Variants in VPS13B observed in about 807,000 individuals in gnomAD.
VPS13B encodes intermembrane lipid transfer protein VPS13B.
VPS13B carries 285 observed loss-of-function variants against 426.4 expected under a neutral mutation model. The ratio of observed to expected loss-of-function variants is 0.67; its 90% CI spans 0.61 to 0.74. The LOEUF (loss-of-function observed/expected upper bound fraction) is 0.74, where lower values mean the gene tolerates loss of function less well. Among genes scored for constraint, VPS13B ranks in the 30% least tolerant of loss-of-function variants. VPS13B has a pLI of 0.00. For synonymous variants in VPS13B, 1,676 were observed against 1,676.4 expected (o/e 1.00, Z 0.01); for missense variants, 4,537 against 4,782.6 (o/e 0.95, Z 1.51).
chr8:99,655,193 AC>A (rs994521490), intron 34 of VPS13B, among the ~76,000 whole-genome samples: 35 of 152,308 alleles, frequency 2.3e-4, no homozygotes, highest in African/African-American at 7.9e-4. Context: ...CAGATTATTT[AC>A]TTCCTTGATA....
At chr8:99,390,557 G>A (rs769142405) in intron 20 of VPS13B, among the ~76,000 whole-genome samples, 1 of 152,044 alleles carries the variant, frequency 6.6e-6, no homozygotes, top group Non-Finnish European at 1.5e-5. Flanking sequence ...ATTATATTGA[G>A]TATTTTAAGT....
intron 12 of VPS13B, among the ~76,000 whole-genome samples, chr8:99,140,092 C>T (rs568405107): frequency 5.9e-5 from 9 of 152,052 alleles, no homozygotes; most frequent in African/African-American, 9.6e-5. Flanking sequence ...CTAGGCTGAG[C>T]GTGGTGGCTC....
At chr8:99,654,349 A>G (rs1829943051) in intron 34 of VPS13B, among the ~76,000 whole-genome samples, 1 of 152,088 alleles carries the variant, frequency 6.6e-6, no homozygotes, top group African/African-American at 2.4e-5. Flanking sequence ...CGCCCGGCTG[A>G]CACTGAATTA....
At chr8:99,749,967 A>C (rs1011040974) in intron 39 of VPS13B, among the ~76,000 whole-genome samples, 2 of 152,140 alleles carry the variant, frequency 1.3e-5, no homozygotes, top group African/African-American at 2.4e-5. Context: ...CGTATTATAC[A>C]CATAATGAAA....
intron 21 of VPS13B, among the ~76,000 whole-genome samples, chr8:99,410,868 C>T (rs1815612045): frequency 6.6e-6 from 1 of 152,094 alleles, no homozygotes; most frequent in Non-Finnish European, 1.5e-5. Flanking sequence ...CCAGCTTCAT[C>T]CATGTCCCTG....
intron 37 of VPS13B, among the ~76,000 whole-genome samples, chr8:99,718,943 C>T (rs539450611): frequency 6.6e-6 from 1 of 152,166 alleles, no homozygotes; most frequent in South Asian, 2.1e-4. Context: ...ATACATAGCA[C>T]CCGGCCAATT....
chr8:99,661,397 T>G lies in VPS13B; in HGVS notation c.5952T>G (p.Val1984=). ...CTGAAGCCCTTGATTATTGCACTGT[T>G]TGGCTACAGACAGTGCCTGGAGAAA... The part of the protein sequence containing the change: ...TLPEALDYCT[V]WLQTVPGEID... Residue 1984 remains valine, a synonymous_variant, in exon 35 of 62, where the codon GTT becomes GTG. Transcript: ENST00000357162. 1.2e-6 allele frequency: 2 copies of G among 1,613,790 alleles called. No individual in the cohort carries two copies. Among genetic ancestry groups the G allele is most frequent in the Non-Finnish European group, 1.7e-6 (2 of 1,179,808 alleles).
chr8:99,442,799 T>C (rs1450235665), intron 23 of VPS13B, among the ~76,000 whole-genome samples, 164 bp downstream of exon 23: 3 of 152,182 alleles, frequency 2.0e-5, no homozygotes, highest in African/African-American at 4.8e-5. Flanking sequence ...TTGCCTTCCA[T>C]ACCTTTTAAT....
intron 19 of VPS13B, among the ~76,000 whole-genome samples, chr8:99,334,042 C>G (rs1287597073): frequency 1.3e-5 from 2 of 151,660 alleles, no homozygotes; most frequent in Non-Finnish European, 2.9e-5. Flanking sequence ...TTTTACAAGC[C>G]TTTTGTGGAC....
chr8:99,378,103 A>T (rs1199497065), intron 19 of VPS13B, among the ~76,000 whole-genome samples: 1 of 145,014 alleles, frequency 6.9e-6, no homozygotes, highest in Non-Finnish European at 1.5e-5. Context: ...CAACTGCATA[A>T]GGCGGACACC....
intron 22 of VPS13B, among the ~76,000 whole-genome samples, chr8:99,438,585 A>G (rs1817521669): frequency 6.6e-6 from 1 of 152,128 alleles, no homozygotes; most frequent in Non-Finnish European, 1.5e-5. Context: ...ATTTTTATGG[A>G]AAAAGTGTGA....
intron 19 of VPS13B, among the ~76,000 whole-genome samples, chr8:99,307,308 A>C (rs1820693957): frequency 6.6e-6 from 1 of 152,068 alleles, no homozygotes; most frequent in South Asian, 2.1e-4. Flanking sequence ...GTTAACTTTT[A>C]AGTTAGCTTG....
rs1810044950 is a variant in VPS13B at position 99,135,856 on chromosome 8, A to G, written c.1563+123A>G. 20 of 1,338,078 alleles carry G rather than the reference A, an allele frequency of 1.5e-5. 1 individual carries two copies. The South Asian group carries it at 2.4e-4, about 16-fold the overall frequency. The allele number at this position is 1,338,078 out of a possible 1,614,324, so 82.9% of individuals were successfully genotyped here. ...TTCTGAATGCTAATTGTTTATTAAA[A>G]CATTTAGAATGCATTTATACAGTAT... On this transcript the variant is annotated intron_variant, in intron 11 of 61. Coordinates refer to ENST00000357162, the MANE Select transcript of VPS13B (RefSeq NM_152564.5).
At chr8:99,448,283 TAG>T (rs1192043191) in intron 23 of VPS13B, among the ~76,000 whole-genome samples, 1 of 151,904 alleles carries the variant, frequency 6.6e-6, no homozygotes, top group Middle Eastern at 3.2e-3. Flanking sequence ...TAAGAGAATA[TAG>T]AGTGACTGCA....
chr8:99,538,790 T>G (rs1191204387), intron 30 of VPS13B, among the ~76,000 whole-genome samples: 1 of 152,206 alleles, frequency 6.6e-6, no homozygotes, highest in East Asian at 1.9e-4. Flanking sequence ...ACACCTACCA[T>G]TCGCTAGCTA....
chr8:99,249,468 C>G (rs1054136436), intron 17 of VPS13B, among the ~76,000 whole-genome samples: 1 of 142,688 alleles, frequency 7.0e-6, no homozygotes, highest in African/African-American at 2.6e-5. Context: ...GCTTTGTGCT[C>G]AAGGCTGGAG....
intron 19 of VPS13B, among the ~76,000 whole-genome samples, chr8:99,294,113 C>G (rs1819894811): frequency 1.3e-5 from 1 of 75,864 alleles, no homozygotes; most frequent in Admixed American, 1.1e-4. Flanking sequence ...CGGCATTATT[C>G]ACAATAGCAA....
rs773394643 is a variant in VPS13B, at chr8:99,859,386, C to T, written c.10950C>T (p.Phe3650=). The change falls in exon 57 of 62, where the codon TTC becomes TTT. Residue 3650 remains phenylalanine (F), a synonymous_variant. Transcript: ENST00000357162. The part of the protein sequence containing the change: ...RSIGNGVADF[F]RLPYEGLTRG... Reference sequence around the variant, plus strand: ...TCGGGAACGGGGTCGCCGACTTCTTCAGGCTTCCGTATGAGGGGCTGACCC... The same window carrying T: ...TCGGGAACGGGGTCGCCGACTTCTTTAGGCTTCCGTATGAGGGGCTGACCC... 22 of 1,614,002 alleles carry T rather than the reference C, an allele frequency of 1.4e-5. No homozygotes were observed. Among genetic ancestry groups the T allele is most frequent in the Non-Finnish European group, 1.5e-5 (18 of 1,180,040 alleles).
chr8:99,013,298 GC>G lies in VPS13B; in HGVS notation c.-78del. On this transcript the variant is annotated 5_prime_UTR_variant, in exon 1 of 62. Transcript: ENST00000357162. ...TACAGGAGCAGCACTGCCGGCGGGGGCGGGTGCCAGGGACTTGGAGGTGGAG... is the reference window on the plus strand; with the variant it reads ...TACAGGAGCAGCACTGCCGGCGGGGGGGGTGCCAGGGACTTGGAGGTGGAG... 1 of 239,836 alleles carries G rather than the reference GC, an allele frequency of 4.2e-6. No individual in the cohort carries two copies. Among genetic ancestry groups the G allele is most frequent in the Non-Finnish European group, 8.3e-6 (1 of 119,934 alleles). 14.9% of individuals were successfully genotyped at this position (239,836 alleles called of 1,614,324 possible).
Sources: gnomAD v4.1 joint callset for allele counts (sites outside exome capture counted in the v4.1 genomes callset) on GRCh38, gnomAD v4.1.1 for gene constraint, MANE v1.5 for transcripts, NCBI Gene and HGNC (gene_info 2026-07-23, HGNC 2026-07-21) for gene names.